PCDH15: variants seen among roughly 807,000 people sequenced by gnomAD.
PCDH15 encodes protocadherin-15.
PCDH15 carries 129 observed loss-of-function variants against 178.5 expected under a neutral mutation model. The observed-to-expected ratio is 0.72, with a 90% CI of 0.63 to 0.84. PCDH15 has a LOEUF of 0.84. PCDH15 is among the 40% of genes least tolerant of loss of function. The pLI is 0.00. For synonymous variants in PCDH15, 800 were observed against 732.0 expected (o/e 1.09, Z -1.50); for missense variants, 2,230 against 2,099.9 (o/e 1.06, Z -1.21).
At chr10:54,719,485 C>A (rs2095519437) in intron 1 of PCDH15, among the ~76,000 whole-genome samples, 1 of 151,438 alleles carries the variant, frequency 6.6e-6, no homozygotes, top group Non-Finnish European at 1.5e-5. Context: ...CTTTTTTGTG[C>A]AAATGGTAGC....
At chr10:55,587,273 A>T (rs1015476168) in intron 2 of PCDH15, among the ~76,000 whole-genome samples, 2 of 152,118 alleles carry the variant, frequency 1.3e-5, no homozygotes, top group African/African-American at 4.8e-5. Context: ...AGTTTGTATG[A>T]TTTGTCAAGC....
At chr10:54,732,239 C>A (rs556806966) in intron 1 of PCDH15, among the ~76,000 whole-genome samples, 10 of 151,132 alleles carry the variant, frequency 6.6e-5, no homozygotes, top group African/African-American at 2.4e-4. Flanking sequence ...GCTAAATGAT[C>A]GGGGGCATAT....
intron 3 of PCDH15, among the ~76,000 whole-genome samples, chr10:54,421,723 T>C (rs1420737417): frequency 7.4e-6 from 1 of 135,426 alleles, no homozygotes; most frequent in African/African-American, 2.7e-5. Flanking sequence ...ATATATATTT[T>C]TGTGTTATAT....
At chr10:54,114,205 G>A (rs140390438) in intron 15 of PCDH15, among the ~76,000 whole-genome samples, 117 of 151,954 alleles carry the variant, frequency 7.7e-4, no homozygotes, top group African/African-American at 2.6e-3. Flanking sequence ...TTCATCACTT[G>A]GGTTTCTTTT....
rs1272886131 is a variant in PCDH15, at chr10:54,219,226, G to C, written c.986-5178C>G. ...GGAGGCTGAGCTTGCAGTGAGCTGA[G>C]ATTGTGCCACTGCACTCCAGCCTGG... On this transcript the variant is annotated intron_variant, in intron 9 of 37. Transcript: ENST00000644397. 2.1e-5 allele frequency among the ~76,000 whole-genome samples: 3 copies of C among 143,080 alleles called. No homozygotes were observed. The Admixed American group carries it at 2.1e-4, about 10-fold the overall frequency. The allele number at this position is 143,080 out of a possible 152,430, so 93.9% of individuals were successfully genotyped here.
intron 2 of PCDH15, among the ~76,000 whole-genome samples, chr10:54,574,069 CTTTTG>C (rs2090178446): frequency 6.6e-6 from 1 of 151,924 alleles, no homozygotes; most frequent in African/African-American, 2.4e-5. Flanking sequence ...GTTGCCATTG[CTTTTG>C]GTGTTTTAGA....
At chr10:55,551,536 A>C (rs11004907) in intron 2 of PCDH15, among the ~76,000 whole-genome samples, 51,132 of 151,548 alleles carry the variant, frequency 0.34, 8,939 homozygotes, top group East Asian at 0.5. Flanking sequence ...AACATTTGAA[A>C]TCAGCTTGTC....
At chr10:53,879,644 T>C (rs2133323586) in intron 26 of PCDH15, among the ~76,000 whole-genome samples, 1 of 152,358 alleles carries the variant, frequency 6.6e-6, no homozygotes, top group Admixed American at 6.5e-5. Flanking sequence ...AAACCAACAT[T>C]CAAACTAATT....
chr10:55,302,524 C>G (rs1274645894), intron 1 of PCDH15, among the ~76,000 whole-genome samples: 1 of 152,074 alleles, frequency 6.6e-6, no homozygotes, highest in Non-Finnish European at 1.5e-5. Flanking sequence ...CCTAGAGTGT[C>G]AAGACAGGCT....
chr10:53,889,878 C>CA (rs2081430840), intron 26 of PCDH15, among the ~76,000 whole-genome samples: 1 of 151,890 alleles, frequency 6.6e-6, no homozygotes, highest in South Asian at 2.1e-4. Context: ...TGAATCTAAA[C>CA]AAAAAATACA....
chr10:55,416,187 T>C (rs2132039972), intron 2 of PCDH15, among the ~76,000 whole-genome samples: 1 of 151,714 alleles, frequency 6.6e-6, no homozygotes, highest in African/African-American at 2.4e-5. Context: ...AATTAATAGG[T>C]TTTATGCAAT....
chr10:55,209,962 A>C (rs1840516753), intron 1 of PCDH15, among the ~76,000 whole-genome samples: 1 of 152,096 alleles, frequency 6.6e-6, no homozygotes, highest in Non-Finnish European at 1.5e-5. Context: ...CTAAGCCTTG[A>C]AGAAATTCAA....
chr10:54,524,964 A>G (rs1318764377), intron 3 of PCDH15, among the ~76,000 whole-genome samples: 1 of 152,214 alleles, frequency 6.6e-6, no homozygotes, highest in Non-Finnish European at 1.5e-5. Context: ...AAAGAAGTTT[A>G]TGGATCTCTG....
At chr10:55,400,047 C>T (rs907766295) in intron 2 of PCDH15, among the ~76,000 whole-genome samples, 7 of 152,060 alleles carry the variant, frequency 4.6e-5, no homozygotes, top group Non-Finnish European at 1.0e-4. Context: ...AATTTATTAA[C>T]AATCTATGTG....
At chr10:55,069,532 G>C (rs1841667962) in intron 2 of PCDH15, among the ~76,000 whole-genome samples, 1 of 137,902 alleles carries the variant, frequency 7.3e-6, no homozygotes, top group Non-Finnish European at 1.5e-5. Context: ...GCGGTGTTTG[G>C]TTTTTTGTTC....
intron 3 of PCDH15, 148 bp from the exon 4 acceptor site, chr10:54,379,090 C>A (rs960150221): frequency 3.5e-6 from 3 of 850,274 alleles, no homozygotes; most frequent in South Asian, 1.5e-5. Context: ...AGAAAATATT[C>A]TTTACCAAAA....
intron 3 of PCDH15, among the ~76,000 whole-genome samples, chr10:54,517,189 T>G (rs571289274): frequency 1.1e-3 from 173 of 152,144 alleles, no homozygotes; most frequent in Admixed American, 3.5e-3. Context: ...CATAATGACA[T>G]GATCAAATTC....
At chr10:55,213,553 G>A (rs1840624728) in intron 1 of PCDH15, among the ~76,000 whole-genome samples, 1 of 151,468 alleles carries the variant, frequency 6.6e-6, no homozygotes, top group African/African-American at 2.4e-5. Context: ...TTACATTTGT[G>A]TTTTTTAGTG....
chr10:54,673,099 T>G (rs1487074260), intron 1 of PCDH15, among the ~76,000 whole-genome samples: 1 of 152,104 alleles, frequency 6.6e-6, no homozygotes, highest in Non-Finnish European at 1.5e-5. Context: ...AAATTAAAGT[T>G]CTGGGATACA....
Sources: gnomAD v4.1 joint callset for allele counts (sites outside exome capture counted in the v4.1 genomes callset) on GRCh38, gnomAD v4.1.1 for gene constraint, MANE v1.5 for transcripts, NCBI Gene and HGNC (gene_info 2026-07-23, HGNC 2026-07-21) for gene names.